RUNX1: variants seen among roughly 807,000 people sequenced by gnomAD.
RUNX1 encodes the protein runt-related transcription factor 1.
RUNX1 carries 19 observed loss-of-function variants against 42.8 expected under a neutral mutation model. The observed-to-expected ratio is 0.44, with a 90% CI of 0.31 to 0.65. The LOEUF is 0.65. RUNX1 is among the 30% of genes least tolerant of loss of function. The pLI is 0.07. For synonymous variants in RUNX1, 271 were observed against 289.4 expected (o/e 0.94, Z 0.64); for missense variants, 528 against 672.0 (o/e 0.79, Z 2.37).
chr21:34,963,736 A>G (rs952883725), intron 2 of RUNX1, among the ~76,000 whole-genome samples: 1 of 152,150 alleles, frequency 6.6e-6, no homozygotes, highest in African/African-American at 2.4e-5. Flanking sequence ...CGGTGAATCA[A>G]TGGGGCATTA....
intron 6 of RUNX1, among the ~76,000 whole-genome samples, chr21:34,851,875 T>C (rs1481345013): frequency 6.6e-6 from 1 of 152,156 alleles, no homozygotes; most frequent in Non-Finnish European, 1.5e-5. Context: ...TCTTAGAAAA[T>C]CTCAGTGGTG....
At chr21:34,957,683 C>A (rs1016276542) in intron 2 of RUNX1, among the ~76,000 whole-genome samples, 2 of 152,138 alleles carry the variant, frequency 1.3e-5, no homozygotes, top group Non-Finnish European at 1.5e-5. Flanking sequence ...ATGATATTCA[C>A]ACATCATAAT....
Position 35,047,561 on chromosome 21 carries a change from A to ACACTCTCTCT in RUNX1, c.58+1280_58+1281insAGAGAGAGTG, listed in dbSNP as rs1428982623. ...CACACACACACACACACACACACACACTCTCTCTCTCTCTCTCTCTCTCTC... is the reference window on the plus strand; with the variant it reads ...CACACACACACACACACACACACACACACTCTCTCTCTCTCTCTCTCTCTCTCTCTCTCTC... On this transcript the variant is annotated intron_variant, in intron 2 of 8. Transcript: ENST00000675419. Among the ~76,000 whole-genome samples, 2 of 46,760 alleles carry ACACTCTCTCT rather than the reference A, an allele frequency of 4.3e-5. 1 individual carries two copies. The highest frequency in any genetic ancestry group is 1.7e-4 in the African/African-American group (2 of 11,646). The allele number at this position is 46,760 out of a possible 152,430, so 30.7% of individuals were successfully genotyped here. A position where few individuals can be genotyped will look rare whatever the true frequency, so the allele number is the denominator to read the frequency against.
chr21:34,968,407 T>C (rs1458298587), intron 2 of RUNX1, among the ~76,000 whole-genome samples: 1 of 152,074 alleles, frequency 6.6e-6, no homozygotes, highest in Non-Finnish European at 1.5e-5. Context: ...AGCGGTGGCC[T>C]GGGGAGCCAC....
intron 2 of RUNX1, among the ~76,000 whole-genome samples, chr21:34,946,488 C>T (rs2058564036): frequency 6.6e-6 from 1 of 152,092 alleles, no homozygotes. Flanking sequence ...ACATAGTCTC[C>T]AGGAAGACTT....
chr21:34,973,344 C>T (rs1056691675), intron 2 of RUNX1, among the ~76,000 whole-genome samples: 10 of 152,148 alleles, frequency 6.6e-5, no homozygotes, highest in Non-Finnish European at 1.0e-4. Flanking sequence ...TGGAGAAGAA[C>T]GAGGGAAGCT....
chr21:34,951,492 C>A (rs537778492), intron 2 of RUNX1, among the ~76,000 whole-genome samples: 20 of 152,062 alleles, frequency 1.3e-4, no homozygotes, highest in Admixed American at 5.9e-4. Flanking sequence ...TGACAAAGGG[C>A]TAATATCCAG....
At chr21:34,840,235 A>G (rs1391567132) in intron 6 of RUNX1, among the ~76,000 whole-genome samples, 3 of 152,200 alleles carry the variant, frequency 2.0e-5, no homozygotes, top group Non-Finnish European at 2.9e-5. Context: ...CGTTCCACAA[A>G]TGCAGCAGTT....
At chr21:34,827,788 G>A (rs2057009735) in intron 7 of RUNX1, among the ~76,000 whole-genome samples, 1 of 152,196 alleles carries the variant, frequency 6.6e-6, no homozygotes, top group South Asian at 2.1e-4. Context: ...TCTCTATGTG[G>A]TGCTAATTCC....
intron 6 of RUNX1, among the ~76,000 whole-genome samples, chr21:34,853,098 G>GGT (rs2057446625): frequency 2.0e-5 from 3 of 152,148 alleles, no homozygotes; most frequent in African/African-American, 7.2e-5. Flanking sequence ...TTTCGTGAAG[G>GGT]CCAACACCGG....
rs112710603 is a variant in RUNX1 at position 34,946,476 on chromosome 21, T to C, written c.59-53513A>G. ...GCCATCCTTCAAGGCCCAGTTCTGT[T>C]GACATAGTCTCCAGGAAGACTTCCT... On this transcript the variant is annotated intron_variant, in intron 2 of 8. Transcript: ENST00000675419. Among the ~76,000 whole-genome samples the C allele has an allele frequency of 9.4e-3, 1,432 of 152,284 alleles. 10 individuals are homozygous for C. The highest frequency in any genetic ancestry group is 0.033 in the South Asian group (157 of 4,828).
chr21:34,881,465 C>G (rs2057904464), intron 4 of RUNX1, among the ~76,000 whole-genome samples: 1 of 152,156 alleles, frequency 6.6e-6, no homozygotes, highest in South Asian at 2.1e-4. Context: ...ATGCACCCTT[C>G]GTTTACTAAT....
chr21:34,900,043 AAT>A (rs1339249510), intron 2 of RUNX1, among the ~76,000 whole-genome samples: 1 of 152,260 alleles, frequency 6.6e-6, no homozygotes, highest in Admixed American at 6.5e-5. Flanking sequence ...ATCCAATAGA[AAT>A]ATAATGAGAG....
intron 2 of RUNX1, among the ~76,000 whole-genome samples, chr21:35,010,625 GCACACACACACA>G (rs113068635): frequency 7.0e-6 from 1 of 143,624 alleles, no homozygotes; most frequent in South Asian, 2.2e-4. Flanking sequence ...ACACACACAC[GCACACACACACA>G]CACACACACA....
Position 34,809,851 on chromosome 21 carries a change from C to T in RUNX1, c.806-10389G>A, listed in dbSNP as rs529228040. Among the ~76,000 whole-genome samples, 17 of 152,310 alleles carry T rather than the reference C, an allele frequency of 1.1e-4. No homozygotes were observed. The South Asian group carries it at 2.1e-3, about 19-fold the overall frequency. On this transcript the variant is annotated intron_variant, in intron 7 of 8. Coordinates refer to ENST00000675419, the MANE Select transcript of RUNX1 (RefSeq NM_001754.5). ...CAAGAAAAAAAAAGAAGTGACTTTA[C>T]GTCTGGGACTGCAGAGGCTACAAAA...
intron 2 of RUNX1, among the ~76,000 whole-genome samples, chr21:34,950,346 G>A (rs1222783521): frequency 6.6e-6 from 1 of 152,108 alleles, no homozygotes; most frequent in Non-Finnish European, 1.5e-5. Context: ...GAGGAAATAT[G>A]GGAAAGTAAT....
intron 5 of RUNX1, among the ~76,000 whole-genome samples, chr21:34,873,269 T>C (rs1417445936): frequency 1.3e-5 from 2 of 152,166 alleles, no homozygotes; most frequent in Non-Finnish European, 2.9e-5. Context: ...ATTCCTGTGA[T>C]TTACCTTGGT....
chr21:34,882,677 G>C (rs1448445183), intron 4 of RUNX1, among the ~76,000 whole-genome samples: 1 of 147,542 alleles, frequency 6.8e-6, no homozygotes, highest in African/African-American at 2.6e-5. Context: ...TCAGTTATTT[G>C]GTTATTGCTA....
rs542805249 is a variant in RUNX1, at chr21:34,834,214, G to T, written c.805+196C>A. Reference sequence around the variant, plus strand: ...TCTGGTTACAATGCAGATCTGACTCGGTGGGTCTGGGGTGGGTGGGGCCCA... The same window carrying T: ...TCTGGTTACAATGCAGATCTGACTCTGTGGGTCTGGGGTGGGTGGGGCCCA... On this transcript the variant is annotated intron_variant, in intron 7 of 8. Coordinates refer to ENST00000675419, the MANE Select transcript of RUNX1 (RefSeq NM_001754.5). 199 of 705,348 alleles carry T rather than the reference G, an allele frequency of 2.8e-4. 1 individual carries two copies. The Middle Eastern group carries it at 3.2e-3, about 11-fold the overall frequency. 43.7% of individuals were successfully genotyped at this position (705,348 alleles called of 1,614,324 possible). A position where few individuals can be genotyped will look rare whatever the true frequency, so the allele number is the denominator to read the frequency against.
Sources: gnomAD v4.1 joint callset for allele counts (sites outside exome capture counted in the v4.1 genomes callset) on GRCh38, gnomAD v4.1.1 for gene constraint, MANE v1.5 for transcripts, NCBI Gene and HGNC (gene_info 2026-07-23, HGNC 2026-07-21) for gene names.